DNAJB9: variants seen among roughly 807,000 people sequenced by gnomAD.
DNAJB9 encodes the protein dnaJ homolog subfamily B member 9.
In DNAJB9, 12 loss-of-function variants were observed where a neutral mutation model predicts 19.2. The observed-to-expected ratio is 0.62, with a 90% CI of 0.40 to 1.01. The LOEUF (loss-of-function observed/expected upper bound fraction) is 1.01. DNAJB9 is among the 50% of genes least tolerant of loss of function. The pLI is 0.00. For synonymous variants in DNAJB9, 83 were observed against 84.0 expected (o/e 0.99, Z 0.07); for missense variants, 272 against 261.1 (o/e 1.04, Z -0.29).
Position 108,572,953 on chromosome 7 carries a change from A to G in DNAJB9, c.272A>G (p.His91Arg). The G allele has an allele frequency of 1.9e-6, 3 of 1,614,032 alleles. No homozygotes were observed. The highest frequency in any genetic ancestry group is 1.7e-6 in the Non-Finnish European group (2 of 1,179,926). ...NRRKEYDTLG[H>R]SAFTSGKGQR... ...CGAAAAGAGTATGATACACTTGGAC[A>G]CAGTGCTTTTACTAGTGGTAAAGGA... The change falls in exon 3 of 3, where the codon CAC becomes CGC. Residue 91 changes from histidine (H) to arginine (R), a missense_variant. Physicochemically the swap from His to Arg is conservative, Grantham distance 29. Transcript: ENST00000249356.
At position 108,571,779 on chromosome 7, in the gene DNAJB9, CAG is replaced by C. The variant is rs773612694; in HGVS notation, c.55_56del (p.Glu19IlefsTer10). On this transcript the variant is annotated frameshift_variant, in exon 2 of 3. Transcript: ENST00000249356. LOFTEE classifies it high-confidence loss of function. ...TTTGCAATCTGCATTTTAATGATAA[CAG>C]AATTAATTCTGGCCTCAAAAAGCTA... 4 of 1,614,000 alleles carry C rather than the reference CAG, an allele frequency of 2.5e-6. No homozygotes were observed. The highest frequency in any genetic ancestry group is 2.2e-5 in the East Asian group (1 of 44,882).
intron 2 of DNAJB9, 31 bp from the exon 3 acceptor site, chr7:108,572,868 C>A: frequency 6.6e-7 from 1 of 1,523,544 alleles, no homozygotes; most frequent in Non-Finnish European, 8.9e-7. Flanking sequence ...ATTTTACCTT[C>A]AGTTACTAAA....
Position 108,571,775 on chromosome 7 carries a change from A to G in DNAJB9, c.49A>G (p.Ile17Val), listed in dbSNP as rs200462133. The change falls in exon 2 of 3, where the codon ATA becomes GTA. Residue 17 changes from isoleucine to valine, a missense_variant. Transcript: ENST00000249356. ...CATCTTTGCAATCTGCATTTTAATG[A>G]TAACAGAATTAATTCTGGCCTCAAA... ...IFIFAICILM[I>V]TELILASKSY... is the part of the protein sequence containing the mutation. 5 of 1,614,080 alleles carry G rather than the reference A, an allele frequency of 3.1e-6. No homozygotes were observed. The highest frequency in any genetic ancestry group is 1.7e-6 in the Non-Finnish European group (2 of 1,180,034).
intron 2 of DNAJB9, chr7:108,572,164 C>T: frequency 2.5e-6 from 1 of 406,094 alleles, no homozygotes; most frequent in South Asian, 5.4e-5. Context: ...GTATACGTAT[C>T]TAAAAATATT....
intron 2 of DNAJB9, 79 bp downstream of exon 2, chr7:108,572,022 A>T (rs537035354): frequency 6.9e-7 from 1 of 1,448,282 alleles, no homozygotes; most frequent in Non-Finnish European, 9.6e-7. Context: ...TTTGTATTTG[A>T]AGGTTTTGTG....
In DNAJB9 at chr7:108,573,377, C is replaced by A; in HGVS notation, c.*24C>A. 2 of 1,467,136 alleles carry A rather than the reference C, an allele frequency of 1.4e-6. No homozygotes were observed. Among genetic ancestry groups the A allele is most frequent in the Admixed American group, 2.4e-5 (1 of 41,658 alleles). 90.9% of individuals were successfully genotyped at this position (1,467,136 alleles called of 1,614,324 possible). On this transcript the variant is annotated 3_prime_UTR_variant, in exon 3 of 3. Transcript: ENST00000249356. ...AGTTCTTATTCTATTCTCACTAAATCCAACTGGTTGACTCTTCCTCATTAT... is the reference window on the plus strand; with the variant it reads ...AGTTCTTATTCTATTCTCACTAAATACAACTGGTTGACTCTTCCTCATTAT...
At chr7:108,570,752 G>A (rs990428585) in intron 1 of DNAJB9, among the ~76,000 whole-genome samples, 3 of 152,154 alleles carry the variant, frequency 2.0e-5, no homozygotes, top group African/African-American at 4.8e-5. Flanking sequence ...CTCAGGAAAG[G>A]CCGCTGGAGA....
In DNAJB9 at chr7:108,571,794, C is replaced by T. The variant is rs1790625170; in HGVS notation, c.68C>T (p.Ala23Val). The T allele has an allele frequency of 6.2e-7, 1 of 1,613,994 alleles. No individual in the cohort carries two copies. The highest frequency in any genetic ancestry group is 8.5e-7 in the Non-Finnish European group (1 of 1,180,004). ...TTAATGATAACAGAATTAATTCTGG[C>T]CTCAAAAAGCTACTATGATATCTTA... ...CILMITELIL[A>V]SKSYYDILGV... is the part of the protein sequence containing the mutation. The change falls in exon 2 of 3, where the codon GCC becomes GTC. Residue 23 changes from alanine to valine, a missense_variant. Transcript: ENST00000249356.
chr7:108,572,098 C>A, intron 2 of DNAJB9, 155 bp downstream of exon 2: 1 of 632,812 alleles, frequency 1.6e-6, no homozygotes, highest in Non-Finnish European at 2.7e-6. Context: ...ATTTTCTTAT[C>A]ACAGATGCTT....
Position 108,571,841 on chromosome 7 carries a change from G to C in DNAJB9, c.115G>C (p.Glu39Gln), listed in dbSNP as rs761361835. ...DILGVPKSAS[E>Q]RQIKKAFHKL... ...CTTAGGTGTGCCAAAATCGGCATCA[G>C]AGCGCCAAATCAAGAAGGCCTTTCA... Residue 39 changes from glutamate to glutamine, a missense_variant, in exon 2 of 3, where the codon GAG (glutamate) becomes CAG (glutamine). Glu to Gln is a conservative substitution (Grantham distance 29, BLOSUM62 2). Transcript: ENST00000249356. The C allele has an allele frequency of 6.8e-6, 11 of 1,614,144 alleles. No homozygotes were observed. In the Admixed American group the frequency reaches 8.3e-5, roughly 12 times the overall value.
rs1461154159 is a variant in DNAJB9 at position 108,573,916 on chromosome 7, G to C, written c.*563G>C. The C allele has an allele frequency of 1.3e-5, 2 of 152,312 alleles. No individual in the cohort carries two copies. The highest frequency in any genetic ancestry group is 3.9e-4 in the East Asian group (2 of 5,188). The allele number at this position is 152,312 out of a possible 1,614,324, so 9.4% of individuals were successfully genotyped here. A position where few individuals can be genotyped will look rare whatever the true frequency, so the allele number is the denominator to read the frequency against. On this transcript the variant is annotated 3_prime_UTR_variant, in exon 3 of 3. Transcript: ENST00000249356. The stretch of plus-strand genomic sequence containing the variant: ...GCTGTGCCTTTCTACAGTAGAACTG[G>C]GGTAAAGGAAATGGTTTTATTGCCC...
At chr7:108,572,006 G>C (rs1208994739) in intron 2 of DNAJB9, 63 bp downstream of exon 2, 1 of 1,524,664 alleles carries the variant, frequency 6.6e-7, no homozygotes, top group East Asian at 2.3e-5. Flanking sequence ...TGATAGCTAA[G>C]AAGTGTTTGT....
intron 1 of DNAJB9, 41 bp from the exon 2 acceptor site, chr7:108,571,676 T>G (rs1790622720): frequency 6.5e-7 from 1 of 1,532,066 alleles, no homozygotes; most frequent in Non-Finnish European, 8.9e-7. Context: ...CGTTTTAAGA[T>G]TAGCTCCATC....
rs770483880 is a variant in DNAJB9 at position 108,571,908 on chromosome 7, C to T, written c.182C>T (p.Pro61Leu). Reference protein sequence around the residue: ...MKYHPDKNKSPDAEAKFREIA... With the variant: ...MKYHPDKNKSLDAEAKFREIA... ...TACCACCCTGACAAAAATAAGAGCC[C>T]GGATGCTGAAGCAAAATTCAGAGAG... The change falls in exon 2 of 3, where the codon CCG becomes CTG. Residue 61 changes from proline (P) to leucine (L), a missense_variant. Transcript: ENST00000249356. 35 of 1,613,900 alleles carry T rather than the reference C, an allele frequency of 2.2e-5. No individual in the cohort carries two copies. Among genetic ancestry groups the T allele is most frequent in the Non-Finnish European group, 2.7e-5 (32 of 1,180,010 alleles).
chr7:108,574,822 GATAATA>G lies in DNAJB9; in HGVS notation c.*1474_*1479del, dbSNP rs948002849. On this transcript the variant is annotated 3_prime_UTR_variant, in exon 3 of 3. Transcript: ENST00000249356. ...GAAGTTATATCTACTAGTTTTGTTTGATAATAATAAAATTAGCTATACCTTGAATTT... is the reference window on the plus strand; with the variant it reads ...GAAGTTATATCTACTAGTTTTGTTTGATAAAATTAGCTATACCTTGAATTT... The G allele has an allele frequency of 6.6e-6, 1 of 152,090 alleles. No homozygotes were observed. Among genetic ancestry groups the G allele is most frequent in the African/African-American group, 2.4e-5 (1 of 41,404 alleles). 9.4% of individuals were successfully genotyped at this position (152,090 alleles called of 1,614,324 possible).
At chr7:108,571,013 A>T (rs529145481) in intron 1 of DNAJB9, among the ~76,000 whole-genome samples, 5 of 152,262 alleles carry the variant, frequency 3.3e-5, no homozygotes, top group Non-Finnish European at 5.9e-5. Flanking sequence ...AGTACAAACT[A>T]TCAAAGTTCA....
At chr7:108,570,331 C>A (rs1444166193) in intron 1 of DNAJB9, among the ~76,000 whole-genome samples, 1 of 152,002 alleles carries the variant, frequency 6.6e-6, no homozygotes, top group Non-Finnish European at 1.5e-5. Context: ...GCCCGGGTCT[C>A]GGGCAGCTTC....
In DNAJB9 at chr7:108,572,211, G is replaced by C. The variant is rs111590596; in HGVS notation, c.217+268G>C. The C allele has an allele frequency of 3.9e-4, 111 of 282,556 alleles. 2 individuals carry two copies. Among genetic ancestry groups the C allele is most frequent in the African/African-American group, 2.3e-3 (107 of 45,788 alleles). 17.5% of individuals were successfully genotyped at this position (282,556 alleles called of 1,614,324 possible). A position where few individuals can be genotyped will look rare whatever the true frequency, so the allele number is the denominator to read the frequency against. ...CTATATTATTTATAAGATCACTGTTGCTTCTATGACAAAAAAGAATTTTAG... is the reference window on the plus strand; with the variant it reads ...CTATATTATTTATAAGATCACTGTTCCTTCTATGACAAAAAAGAATTTTAG... On this transcript the variant is annotated intron_variant, in intron 2 of 2. Transcript: ENST00000249356.
intron 1 of DNAJB9, among the ~76,000 whole-genome samples, chr7:108,570,355 G>C (rs1790597436): frequency 6.6e-6 from 1 of 152,162 alleles, no homozygotes; most frequent in Non-Finnish European, 1.5e-5. Context: ...GGCGGGGCCT[G>C]GGCGGGCAGG....
Sources: allele counts gnomAD v4.1 joint callset (sites outside exome capture counted in the v4.1 genomes callset), GRCh38; gene constraint gnomAD v4.1.1; transcripts MANE v1.5; gene names NCBI Gene and HGNC (gene_info 2026-07-23, HGNC 2026-07-21).